The following GRIK3 variants were observed in gnomAD, a reference collection of about 807,000 sequenced individuals.
GRIK3 encodes glutamate ionotropic receptor kainate type subunit 3, also known as glutamate receptor ionotropic, kainate 3.
Under a neutral mutation model 102.5 loss-of-function variants are expected in GRIK3, and 29 were observed. The observed-to-expected ratio is 0.28, with a 90% CI of 0.21 to 0.39. GRIK3 has a LOEUF of 0.39. GRIK3 is among the 10% of genes least tolerant of loss of function. GRIK3 has a pLI of 1.00. For missense variants in GRIK3, 908 were observed against 1,252.4 expected (o/e 0.73, Z 4.15); for synonymous variants, 511 against 504.9 (o/e 1.01, Z -0.16).
intron 13 of GRIK3, among the ~76,000 whole-genome samples, chr1:36,812,598 A>T (rs1642574988): frequency 6.6e-6 from 1 of 151,668 alleles, no homozygotes; most frequent in African/African-American, 2.4e-5. Flanking sequence ...GCTGTTTGTG[A>T]TGTCTGCTGC....
chr1:36,867,797 AT>A (rs1640801470), intron 5 of GRIK3, among the ~76,000 whole-genome samples: 1 of 152,120 alleles, frequency 6.6e-6, no homozygotes, highest in African/African-American at 2.4e-5. Flanking sequence ...AGGGCTTGTG[AT>A]TAAACCCCCT....
intron 1 of GRIK3, among the ~76,000 whole-genome samples, chr1:37,015,383 G>A (rs374291994): frequency 6.0e-4 from 91 of 152,314 alleles, no homozygotes; most frequent in African/African-American, 2.0e-3. Context: ...GAAAGCCGGA[G>A]GTTCCGCAAA....
At chr1:36,855,277 T>A (rs566838872) in intron 7 of GRIK3, among the ~76,000 whole-genome samples, 1 of 152,274 alleles carries the variant, frequency 6.6e-6, no homozygotes, top group South Asian at 2.1e-4. Flanking sequence ...CCATGCTCCC[T>A]TGCAGATTCT....
At chr1:36,928,436 A>T (rs1449886379) in intron 1 of GRIK3, among the ~76,000 whole-genome samples, 1 of 152,192 alleles carries the variant, frequency 6.6e-6, no homozygotes, top group East Asian at 1.9e-4. Flanking sequence ...GATTGTCTGA[A>T]TCAAAGTGGC....
chr1:37,005,594 G>C (rs1642522456), intron 1 of GRIK3, among the ~76,000 whole-genome samples: 2 of 152,212 alleles, frequency 1.3e-5, no homozygotes, highest in Admixed American at 1.3e-4. Context: ...TTAAAGCACA[G>C]AACGATGGTG....
intron 1 of GRIK3, among the ~76,000 whole-genome samples, chr1:37,031,686 C>A (rs1285941993): frequency 1.3e-5 from 2 of 152,208 alleles, no homozygotes; most frequent in Non-Finnish European, 2.9e-5. Context: ...AAGCCCCAGC[C>A]AGAACCCTGA....
rs556240661 is a variant in GRIK3, at chr1:36,943,292, C to T, written c.116-52196G>A. Among the ~76,000 whole-genome samples, 4 of 152,304 alleles carry T rather than the reference C, an allele frequency of 2.6e-5. No individual in the cohort carries two copies. The South Asian group carries it at 6.2e-4, about 24-fold the overall frequency. ...AGCATGTGGCTGCAACTCCTCCTCC[C>T]TCCCCCATCCCAGGTCCCTGGCTGA... On this transcript the variant is annotated intron_variant, in intron 1 of 15. Transcript: ENST00000373091.
chr1:36,872,434 C>T lies in GRIK3; in HGVS notation c.551-65G>A. 1.5e-6 allele frequency: 2 copies of T among 1,335,964 alleles called. No individual in the cohort carries two copies. Among genetic ancestry groups the T allele is most frequent in the African/African-American group, 1.5e-5 (1 of 68,350 alleles). 82.8% of individuals were successfully genotyped at this position (1,335,964 alleles called of 1,614,324 possible). ...ATGTATCCACAGCTCCAGGCATCCA[C>T]TTGGACTTGTGTGCACACACATGCC... On this transcript the variant is annotated intron_variant, in intron 3 of 15. Coordinates refer to ENST00000373091, the MANE Select transcript of GRIK3 (RefSeq NM_000831.4). This position sits in a 1 kb window ranked among gnomAD's most constrained non-coding sequence, Gnocchi z 5.9.
chr1:36,826,522 G>T (rs949696458), intron 10 of GRIK3, among the ~76,000 whole-genome samples: 2 of 152,044 alleles, frequency 1.3e-5, no homozygotes, highest in African/African-American at 4.8e-5. Flanking sequence ...TAAAAAGTTA[G>T]CTGGGTACAG....
intron 1 of GRIK3, among the ~76,000 whole-genome samples, chr1:36,963,180 G>C (rs773608164): frequency 6.6e-6 from 1 of 152,176 alleles, no homozygotes; most frequent in Non-Finnish European, 1.5e-5. Flanking sequence ...CTCCACAGGA[G>C]CTAATCCTTG....
At chr1:36,849,358 A>G (rs538498379) in intron 9 of GRIK3, among the ~76,000 whole-genome samples, 3 of 152,318 alleles carry the variant, frequency 2.0e-5, no homozygotes, top group Admixed American at 6.5e-5. Context: ...TTCTGCTCCA[A>G]GGCAGCCTCA....
intron 10 of GRIK3, among the ~76,000 whole-genome samples, chr1:36,837,455 TCTC>T (rs564672509): frequency 2.0e-4 from 30 of 152,058 alleles, no homozygotes; most frequent in African/African-American, 6.0e-4. Context: ...CCTCATCAGT[TCTC>T]CTGCTTGTCT....
At chr1:37,017,369 TAAAAAAAAAA>T (rs774819790) in intron 1 of GRIK3, among the ~76,000 whole-genome samples, 218 of 48,526 alleles carry the variant, frequency 4.5e-3, no homozygotes, top group African/African-American at 0.021. Flanking sequence ...CCCTGTCTCT[TAAAAAAAAAA>T]AAAAAAAAAA....
At chr1:37,022,383 G>A (rs1204296164) in intron 1 of GRIK3, among the ~76,000 whole-genome samples, 1 of 152,214 alleles carries the variant, frequency 6.6e-6, no homozygotes, top group East Asian at 1.9e-4. Flanking sequence ...AGAGAGGGGT[G>A]AGGTCAGAAA....
intron 1 of GRIK3, among the ~76,000 whole-genome samples, chr1:36,984,006 A>G (rs893550794): frequency 6.6e-6 from 1 of 152,170 alleles, no homozygotes; most frequent in Non-Finnish European, 1.5e-5. Context: ...ATAAGAATCC[A>G]AAGAGTGAAT....
At chr1:36,959,170 GTGT>G (rs1641967719) in intron 1 of GRIK3, among the ~76,000 whole-genome samples, 1 of 135,336 alleles carries the variant, frequency 7.4e-6, no homozygotes, top group African/African-American at 2.6e-5. Flanking sequence ...GTGAGCCTGT[GTGT>G]CCCATGACTC....
chr1:36,936,217 G>T (rs1641655841), intron 1 of GRIK3, among the ~76,000 whole-genome samples: 1 of 152,176 alleles, frequency 6.6e-6, no homozygotes, highest in East Asian at 1.9e-4. Flanking sequence ...ATGCTTTGCT[G>T]GTCCAAGCTA....
rs377438243 is a variant in GRIK3 at position 36,880,644 on chromosome 1, G to C, written c.540C>G (p.Asp180Glu). The part of the protein sequence containing the change: ...LKWRSATVVY[D>E]DSTGLIRLQE... Reference sequence around the variant, plus strand: ...GGCCTGGCCACCCACCTGTACTGTCGTCATAGACCACGGTGGCTGACCGCC... The same window carrying C: ...GGCCTGGCCACCCACCTGTACTGTCCTCATAGACCACGGTGGCTGACCGCC... The change falls in exon 3 of 16, where the codon GAC becomes GAG. Residue 180 changes from aspartate (D) to glutamate (E), a missense_variant. By Grantham distance (45) the Asp-to-Glu change is conservative. Around this residue, in one of 3 missense-constraint regions of GRIK3, gnomAD observed 585 missense variants for 824.9 expected, o/e 0.71. Transcript: ENST00000373091. This position sits in a 1 kb window ranked among gnomAD's most constrained non-coding sequence, Gnocchi z 5.4. The C allele has an allele frequency of 6.2e-7, 1 of 1,614,108 alleles. No homozygotes were observed. The highest frequency in any genetic ancestry group is 8.5e-7 in the Non-Finnish European group (1 of 1,179,982).
intron 13 of GRIK3, among the ~76,000 whole-genome samples, chr1:36,812,658 G>A (rs1178455123): frequency 6.6e-6 from 1 of 152,084 alleles, no homozygotes; most frequent in East Asian, 1.9e-4. Context: ...GGGTCTGCAG[G>A]GTGGGGGCGA....
Sources: allele counts gnomAD v4.1 joint callset (sites outside exome capture counted in the v4.1 genomes callset), GRCh38; gene constraint gnomAD v4.1.1; regional missense constraint gnomAD v4.1.1; non-coding constraint Gnocchi (gnomAD v3.1); transcripts MANE v1.5; gene names NCBI Gene and HGNC (gene_info 2026-07-23, HGNC 2026-07-21).